Variants in EVA1C observed in about 807,000 individuals in gnomAD.
EVA1C encodes the protein protein eva-1 homolog C.
Under a neutral mutation model 45.4 loss-of-function variants are expected in EVA1C, and 25 were observed. The ratio of observed to expected loss-of-function variants is 0.55; its 90% CI spans 0.40 to 0.77. The LOEUF (loss-of-function observed/expected upper bound fraction) is 0.77. Among genes scored for constraint, EVA1C ranks in the 30% least tolerant of loss-of-function variants. The pLI, the probability that EVA1C is intolerant of heterozygous loss-of-function variation, is 0.00. For synonymous variants in EVA1C, 190 were observed against 221.2 expected, an observed-to-expected ratio of 0.86 and a Z score of 1.25; for missense variants, 479 against 554.8, an observed-to-expected ratio of 0.86 and a Z score of 1.37.
intron 1 of EVA1C, among the ~76,000 whole-genome samples, chr21:32,437,720 G>A (rs541516200): frequency 6.2e-4 from 95 of 152,026 alleles, no homozygotes; most frequent in Non-Finnish European, 1.3e-3. Flanking sequence ...CTCATCTCTG[G>A]GGTGGGTCAG....
At chr21:32,497,213 A>T (rs2037381356) in intron 5 of EVA1C, 2 of 814,488 alleles carry the variant, frequency 2.5e-6, no homozygotes, top group East Asian at 4.9e-5. Context: ...TAAGGGAAAA[A>T]CCGTCCAGCA....
At chr21:32,509,220 G>C (rs1601074494) in intron 7 of EVA1C, among the ~76,000 whole-genome samples, 1 of 152,312 alleles carries the variant, frequency 6.6e-6, no homozygotes, top group East Asian at 1.9e-4. Context: ...ACCAACATCT[G>C]GTGAGTTTGT....
chr21:32,464,278 C>T (rs2036098739), intron 3 of EVA1C, among the ~76,000 whole-genome samples: 1 of 152,130 alleles, frequency 6.6e-6, no homozygotes, highest in Non-Finnish European at 1.5e-5. Context: ...GAGGTTCTTC[C>T]TGCGTGTTAA....
chr21:32,441,932 G>T (rs1004764645), intron 1 of EVA1C, among the ~76,000 whole-genome samples: 1 of 152,104 alleles, frequency 6.6e-6, no homozygotes, highest in Non-Finnish European at 1.5e-5. Context: ...CCCCTCTGTT[G>T]TCCACTTGTG....
At chr21:32,475,441 CTCA>C (rs896024159) in intron 4 of EVA1C, among the ~76,000 whole-genome samples, 1 of 150,498 alleles carries the variant, frequency 6.6e-6, no homozygotes, top group African/African-American at 2.4e-5. Context: ...ACAAATGTTA[CTCA>C]TCAGCTAAAA....
At chr21:32,427,512 A>C (rs2034535412) in intron 1 of EVA1C, among the ~76,000 whole-genome samples, 1 of 151,682 alleles carries the variant, frequency 6.6e-6, no homozygotes, top group East Asian at 1.9e-4. Flanking sequence ...CAAGAGGTTG[A>C]GATCATCCTG....
intron 2 of EVA1C, among the ~76,000 whole-genome samples, chr21:32,454,708 A>G (rs1486384074): frequency 1.3e-5 from 2 of 152,084 alleles, no homozygotes; most frequent in Non-Finnish European, 2.9e-5. Flanking sequence ...CGTAGGAAAT[A>G]TGGATAAAGA....
Position 32,502,004 on chromosome 21 carries a change from CTTTCTTTCTT to C in EVA1C, c.859+511_859+520del, listed in dbSNP as rs1568949621. On this transcript the variant is annotated intron_variant, in intron 6 of 7. Coordinates refer to ENST00000300255, the MANE Select transcript of EVA1C (RefSeq NM_058187.5). The stretch of plus-strand genomic sequence containing the variant: ...CGCTCTTTTCTTTCTTTCTTTCTTT[CTTTCTTTCTT>C]TCTTTCTTTCTTTCTTTCTTTCTTT... 3.1e-4 allele frequency among the ~76,000 whole-genome samples: 28 copies of C among 89,794 alleles called. 1 individual carries two copies. In the South Asian group the frequency reaches 9.1e-3, roughly 29 times the overall value. 58.9% of individuals were successfully genotyped at this position (89,794 alleles called of 152,430 possible).
At chr21:32,450,661 G>A (rs2146239177) in intron 1 of EVA1C, among the ~76,000 whole-genome samples, 1 of 152,180 alleles carries the variant, frequency 6.6e-6, no homozygotes, top group South Asian at 2.1e-4. Context: ...GCAGGGTGTG[G>A]CTCATGACAG....
intron 3 of EVA1C, among the ~76,000 whole-genome samples, chr21:32,458,186 G>T (rs1471078710): frequency 6.6e-6 from 1 of 152,086 alleles, no homozygotes; most frequent in Non-Finnish European, 1.5e-5. Context: ...AGCTCCTCCC[G>T]CCCTCACCCA....
chr21:32,507,685 CAT>C (rs989209536), intron 7 of EVA1C, among the ~76,000 whole-genome samples: 3 of 144,238 alleles, frequency 2.1e-5, no homozygotes, highest in African/African-American at 7.8e-5. Flanking sequence ...TATCTGTGTG[CAT>C]GTGTGCATGC....
At chr21:32,479,912 G>C (rs1043978018) in intron 4 of EVA1C, among the ~76,000 whole-genome samples, 3 of 150,976 alleles carry the variant, frequency 2.0e-5, no homozygotes, top group Non-Finnish European at 4.4e-5. Context: ...TTAAAACTAA[G>C]AAAATATAGG....
rs923796806 is a variant in EVA1C, at chr21:32,495,097, C to T, written c.705C>T (p.Ile235=). 1.3e-5 allele frequency: 21 copies of T among 1,613,836 alleles called. No homozygotes were observed. The highest frequency in any genetic ancestry group is 4.5e-5 in the East Asian group (2 of 44,864). The stretch of plus-strand genomic sequence containing the variant: ...ATGGGAAGCAGAGATGCAAAATCAT[C>T]GTCAACAATCACCATTTTGGAAGCC... ...RCYGKQRCKI[I]VNNHHFGSPC... Residue 235 remains isoleucine (I), a synonymous_variant, in exon 5 of 8, where the codon ATC becomes ATT. Coordinates refer to ENST00000300255, the MANE Select transcript of EVA1C (RefSeq NM_058187.5).
intron 1 of EVA1C, among the ~76,000 whole-genome samples, chr21:32,422,892 G>GA (rs2034335750): frequency 0.016 from 1 of 62 alleles, no homozygotes; most frequent in Non-Finnish European, 0.029. Flanking sequence ...CCAACTTGGT[G>GA]AAACCATGTC....
chr21:32,448,633 G>T (rs2035450559), intron 1 of EVA1C, among the ~76,000 whole-genome samples: 1 of 152,108 alleles, frequency 6.6e-6, no homozygotes, highest in African/African-American at 2.4e-5. Context: ...AAGAGGCCAG[G>T]CACTGTGGCT....
At chr21:32,430,076 C>A (rs2034640441) in intron 1 of EVA1C, among the ~76,000 whole-genome samples, 2 of 152,158 alleles carry the variant, frequency 1.3e-5, no homozygotes, top group African/African-American at 4.8e-5. Flanking sequence ...CAGAGGGGGG[C>A]ACCTGGGATC....
At chr21:32,471,924 G>A (rs1460071994) in intron 4 of EVA1C, among the ~76,000 whole-genome samples, 1 of 151,974 alleles carries the variant, frequency 6.6e-6, no homozygotes, top group Non-Finnish European at 1.5e-5. Context: ...AACCGCACTC[G>A]GCCTCCATTT....
intron 1 of EVA1C, among the ~76,000 whole-genome samples, chr21:32,424,846 G>A (rs1282698660): frequency 1.3e-5 from 2 of 152,040 alleles, no homozygotes; most frequent in Admixed American, 6.6e-5. Flanking sequence ...TGATGATGAC[G>A]TGATGATGAT....
chr21:32,488,337 A>T lies in EVA1C; in HGVS notation c.635-6690A>T, dbSNP rs139085138. ...TACCCAGAAGAGGGATTGCTGGGTC[A>T]TATAGTAGCTCTATTTTTAATTTCT... On this transcript the variant is annotated intron_variant, in intron 4 of 7. Transcript: ENST00000300255. 4.6e-5 allele frequency among the ~76,000 whole-genome samples: 7 copies of T among 152,292 alleles called. No homozygotes were observed. The East Asian group carries it at 1.4e-3, about 29-fold the overall frequency.
Sources: allele counts gnomAD v4.1 joint callset (sites outside exome capture counted in the v4.1 genomes callset), GRCh38; gene constraint gnomAD v4.1.1; transcripts MANE v1.5; gene names NCBI Gene and HGNC (gene_info 2026-07-23, HGNC 2026-07-21).